CCBE1: variants seen among roughly 807,000 people sequenced by gnomAD.
The protein encoded by CCBE1 is collagen and calcium binding EGF domains 1, also known as collagen and calcium-binding EGF domain-containing protein 1.
A neutral mutation model predicts 50.0 loss-of-function variants in CCBE1; 37 were observed. That is an observed-to-expected ratio of 0.74 (90% confidence interval 0.57 to 0.97). The LOEUF (loss-of-function observed/expected upper bound fraction) is 0.97, where lower values mean the gene tolerates loss of function less well. Among genes scored for constraint, CCBE1 ranks in the 50% least tolerant of loss-of-function variants. CCBE1 has a pLI of 0.00. For missense variants in CCBE1, 538 were observed against 523.8 expected, an observed-to-expected ratio of 1.03 and a Z score of -0.26; for synonymous variants, 234 against 203.7, an observed-to-expected ratio of 1.15 and a Z score of -1.27.
At chr18:59,594,206 C>A (rs2053317376) in intron 2 of CCBE1, among the ~76,000 whole-genome samples, 1 of 152,206 alleles carries the variant, frequency 6.6e-6, no homozygotes, top group African/African-American at 2.4e-5. Flanking sequence ...TAACAATGAT[C>A]CCAATGCCTT....
At chr18:59,451,188 A>C (rs1009048507) in intron 6 of CCBE1, among the ~76,000 whole-genome samples, 1 of 152,124 alleles carries the variant, frequency 6.6e-6, no homozygotes, top group Non-Finnish European at 1.5e-5. Flanking sequence ...CACTTCCTGA[A>C]TGATTATCCA....
intron 2 of CCBE1, among the ~76,000 whole-genome samples, chr18:59,538,942 C>T (rs1287603313): frequency 6.6e-6 from 1 of 152,176 alleles, no homozygotes; most frequent in Non-Finnish European, 1.5e-5. Flanking sequence ...CTTTGGGAGG[C>T]TGAGACAGGA....
Position 59,643,735 on chromosome 18 carries a change from C to T in CCBE1, c.212+52894G>A, listed in dbSNP as rs950454685. Among the ~76,000 whole-genome samples, 7 of 146,514 alleles carry T rather than the reference C, an allele frequency of 4.8e-5. No individual in the cohort carries two copies. In the East Asian group the frequency reaches 8.6e-4, roughly 18 times the overall value. The stretch of plus-strand genomic sequence containing the variant: ...ACTCAGGAGGCTGAGGCAGGAGAAT[C>T]GTTTGAACCCGCAGGGGTAGACGTT... On this transcript the variant is annotated intron_variant, in intron 2 of 10. Transcript: ENST00000439986.
At chr18:59,677,120 T>A (rs538720793) in intron 2 of CCBE1, among the ~76,000 whole-genome samples, 11 of 152,072 alleles carry the variant, frequency 7.2e-5, no homozygotes, top group African/African-American at 1.7e-4. Flanking sequence ...TACATGGGAA[T>A]AGATTGCAAG....
In CCBE1 at chr18:59,434,745, T is replaced by C. The variant is rs1216110452; in HGVS notation, c.*1163A>G. On this transcript the variant is annotated 3_prime_UTR_variant, in exon 11 of 11. Coordinates refer to ENST00000439986, the MANE Select transcript of CCBE1 (RefSeq NM_133459.4). ...AGTTTTTGCAAACAAGGAAAACCACTATTTTTTTTTCTCCCCATCCAAGAT... is the reference window on the plus strand; with the variant it reads ...AGTTTTTGCAAACAAGGAAAACCACCATTTTTTTTTCTCCCCATCCAAGAT... The C allele has an allele frequency of 6.6e-6, 1 of 152,206 alleles. No homozygotes were observed. The highest frequency in any genetic ancestry group is 1.5e-5 in the Non-Finnish European group (1 of 68,032). The allele number at this position is 152,206 out of a possible 1,614,324, so 9.4% of individuals were successfully genotyped here.
intron 2 of CCBE1, among the ~76,000 whole-genome samples, chr18:59,560,823 G>C (rs1459359819): frequency 6.6e-6 from 1 of 152,136 alleles, no homozygotes; most frequent in African/African-American, 2.4e-5. Context: ...CCCCGGACAG[G>C]GACGGCACAG....
intron 7 of CCBE1, among the ~76,000 whole-genome samples, chr18:59,443,608 A>T (rs571385759): frequency 1.3e-4 from 19 of 149,602 alleles, no homozygotes; most frequent in African/African-American, 4.5e-4. Context: ...ATGGGATTAC[A>T]GGTGCCCACC....
chr18:59,444,375 T>G (rs1910579660), intron 7 of CCBE1, among the ~76,000 whole-genome samples: 1 of 152,186 alleles, frequency 6.6e-6, no homozygotes, highest in Admixed American at 6.5e-5. Context: ...TGAGCCCATG[T>G]GATCCTCCTG....
chr18:59,643,353 G>C (rs979209902), intron 2 of CCBE1, among the ~76,000 whole-genome samples: 2 of 152,152 alleles, frequency 1.3e-5, no homozygotes, highest in African/African-American at 4.8e-5. Context: ...AATTTAGTGG[G>C]ACTTCAAAGA....
At chr18:59,485,238 CCT>C (rs1490838621) in intron 2 of CCBE1, among the ~76,000 whole-genome samples, 3 of 152,010 alleles carry the variant, frequency 2.0e-5, no homozygotes, top group Admixed American at 6.6e-5. Context: ...CCTGGGTGCC[CCT>C]GAGTATTAAC....
intron 2 of CCBE1, among the ~76,000 whole-genome samples, chr18:59,662,524 T>G (rs2054298830): frequency 6.6e-6 from 1 of 152,190 alleles, no homozygotes; most frequent in African/African-American, 2.4e-5. Flanking sequence ...GGTTCCTTCC[T>G]CACTGCAATA....
At chr18:59,438,063 T>G in intron 10 of CCBE1, 48 bp downstream of exon 10, 1 of 1,597,086 alleles carries the variant, frequency 6.3e-7, no homozygotes, top group Non-Finnish European at 8.6e-7. Context: ...CAGAGCTGCA[T>G]CCCTGAGAAC....
chr18:59,697,690 C>T (rs1446192208), upstream of CCBE1: 1 of 239,792 alleles, frequency 4.2e-6, no homozygotes, highest in Admixed American at 5.7e-5. Flanking sequence ...TCGCCTCTTC[C>T]CTCTCCCTCC....
intron 2 of CCBE1, among the ~76,000 whole-genome samples, chr18:59,610,745 G>A (rs2053557558): frequency 6.6e-6 from 1 of 150,974 alleles, no homozygotes; most frequent in South Asian, 2.1e-4. Context: ...GCCCCAGGTG[G>A]ACACATGAGG....
chr18:59,535,523 C>T (rs1915212625), intron 2 of CCBE1, among the ~76,000 whole-genome samples: 1 of 152,092 alleles, frequency 6.6e-6, no homozygotes, highest in South Asian at 2.1e-4. Flanking sequence ...GCACACTACC[C>T]CTGGCAGCTC....
intron 2 of CCBE1, among the ~76,000 whole-genome samples, chr18:59,612,330 G>GAAAAAAAAAAAA (rs5825351): frequency 7.7e-6 from 1 of 130,696 alleles, no homozygotes. Flanking sequence ...AGAAAAAAAA[G>GAAAAAAAAAAAA]AAAAAAAAAA....
chr18:59,565,568 C>T (rs1308279368), intron 2 of CCBE1, among the ~76,000 whole-genome samples: 1 of 152,152 alleles, frequency 6.6e-6, no homozygotes, highest in African/African-American at 2.4e-5. Context: ...AGAATTAGGA[C>T]CAGCTTTGTA....
intron 10 of CCBE1, 36 bp from the exon 11 acceptor site, chr18:59,436,177 C>T (rs772954607): frequency 1.3e-6 from 2 of 1,594,286 alleles, no homozygotes; most frequent in East Asian, 4.5e-5. Flanking sequence ...TAGAATACGA[C>T]AGACAGCAAT....
chr18:59,516,241 T>C (rs937424059), intron 2 of CCBE1, among the ~76,000 whole-genome samples: 5 of 141,538 alleles, frequency 3.5e-5, no homozygotes, highest in African/African-American at 1.2e-4. Context: ...TTACAGTTTG[T>C]TTTTTTTTTT....
Sources: allele counts gnomAD v4.1 joint callset (sites outside exome capture counted in the v4.1 genomes callset), GRCh38; gene constraint gnomAD v4.1.1; transcripts MANE v1.5; gene names NCBI Gene and HGNC (gene_info 2026-07-23, HGNC 2026-07-21).